Variants in CAND1 observed in about 807,000 individuals in gnomAD.
CAND1 encodes cullin associated and neddylation dissociated 1.
A neutral mutation model predicts 108.5 loss-of-function variants in CAND1; 7 were observed. The ratio of observed to expected loss-of-function variants is 0.06; its 90% CI spans 0.04 to 0.12. The LOEUF is 0.12. Among genes scored for constraint, CAND1 ranks in the 10% least tolerant of loss-of-function variants. The pLI is 1.00. For synonymous variants in CAND1, 534 were observed against 512.0 expected (o/e 1.04, Z -0.58); for missense variants, 941 against 1,448.7 (o/e 0.65, Z 5.69).
intron 2 of CAND1, among the ~76,000 whole-genome samples, chr12:67,283,543 A>G (rs2044639490): frequency 6.6e-6 from 1 of 151,294 alleles, no homozygotes; most frequent in Non-Finnish European, 1.5e-5. Context: ...AGATCGTGCC[A>G]CTGCATGCCA....
chr12:67,287,920 G>A (rs1176218448), intron 2 of CAND1, among the ~76,000 whole-genome samples: 1 of 144,818 alleles, frequency 6.9e-6, no homozygotes, highest in Admixed American at 6.9e-5. Flanking sequence ...ATATTTGGAG[G>A]TTATCTATTT....
intron 7 of CAND1, 91 bp downstream of exon 7, chr12:67,299,186 A>G (rs1201322636): frequency 5.6e-6 from 7 of 1,240,122 alleles, no homozygotes; most frequent in African/African-American, 1.5e-5. Context: ...TGTTTGTTTT[A>G]TTTAGTTATA....
chr12:67,269,658 C>CGGCAGCGGCAGCGGCAGCG lies in CAND1; in HGVS notation c.-46_-45insCAGCGGGCAGCGGCAGCGG. Reference sequence around the variant, plus strand: ...GGAGCTCCAGTGGCGGCGGCGGCGGCGGCAGCGGCAGCGGGCAGCAGCTCC... The same window carrying CGGCAGCGGCAGCGGCAGCG: ...GGAGCTCCAGTGGCGGCGGCGGCGGCGGCAGCGGCAGCGGCAGCGGGCAGCGGCAGCGGGCAGCAGCTCC... On this transcript the variant is annotated 5_prime_UTR_variant, in exon 1 of 15. Transcript: ENST00000545606. 6.9e-7 allele frequency: 1 copy of CGGCAGCGGCAGCGGCAGCG among 1,459,580 alleles called. No homozygotes were observed. Among genetic ancestry groups the CGGCAGCGGCAGCGGCAGCG allele is most frequent in the Non-Finnish European group, 9.4e-7 (1 of 1,059,954 alleles). 90.4% of individuals were successfully genotyped at this position (1,459,580 alleles called of 1,614,324 possible).
intron 13 of CAND1, chr12:67,310,798 ATAC>A (rs1359259322): frequency 6.6e-6 from 1 of 152,342 alleles, no homozygotes; most frequent in East Asian, 1.9e-4. Flanking sequence ...TCAATATAAT[ATAC>A]TGTGTTTAAT....
At position 67,280,828 on chromosome 12, in the gene CAND1, G is replaced by A. The variant is rs2044612716; in HGVS notation, c.69-1082G>A. On this transcript the variant is annotated intron_variant, in intron 1 of 14. Coordinates refer to ENST00000545606, the MANE Select transcript of CAND1 (RefSeq NM_018448.5). ...GAGATTAGATGATTGATCACTCTGG[G>A]TTTTTGCCAGGCAACACACTGTTAA... 3.3e-5 allele frequency among the ~76,000 whole-genome samples: 5 copies of A among 150,880 alleles called. No individual in the cohort carries two copies. The South Asian group carries it at 1.0e-3, about 31-fold the overall frequency.
intron 1 of CAND1, chr12:67,270,024 GTT>G (rs1488919708): frequency 8.1e-6 from 4 of 491,102 alleles, no homozygotes; most frequent in Non-Finnish European, 7.1e-6. Flanking sequence ...TCTAGGCCCC[GTT>G]TGCTTGTCTC....
chr12:67,295,442 T>C (rs2044760499), intron 4 of CAND1, among the ~76,000 whole-genome samples: 1 of 152,220 alleles, frequency 6.6e-6, no homozygotes, highest in Non-Finnish European at 1.5e-5. Flanking sequence ...GTTTTACTCA[T>C]ATATTCTTGC....
At chr12:67,274,084 C>T (rs1040642683) in intron 1 of CAND1, among the ~76,000 whole-genome samples, 1 of 152,178 alleles carries the variant, frequency 6.6e-6, no homozygotes, top group Non-Finnish European at 1.5e-5. Flanking sequence ...TATGTCACTT[C>T]TCCAGGGTTT....
Position 67,289,207 on chromosome 12 carries a change from A to T in CAND1, c.213-3415A>T, listed in dbSNP as rs559042104. Among the ~76,000 whole-genome samples the T allele has an allele frequency of 2.3e-4, 35 of 151,836 alleles. No homozygotes were observed. In the East Asian group the frequency reaches 4.1e-3, roughly 18 times the overall value. On this transcript the variant is annotated intron_variant, in intron 2 of 14. Transcript: ENST00000545606. Reference sequence around the variant, plus strand: ...TTAGTTTTTTAAATACAGCATTTAAATTTTTTATTATTTTTATTTTATTTG... The same window carrying T: ...TTAGTTTTTTAAATACAGCATTTAATTTTTTTATTATTTTTATTTTATTTG...
chr12:67,292,917 AAATT>A (rs2044735651), intron 3 of CAND1, 141 bp downstream of exon 3: 2 of 708,836 alleles, frequency 2.8e-6, no homozygotes, highest in Non-Finnish European at 4.8e-6. Flanking sequence ...ACAATTAAGA[AAATT>A]AAAGCGTGAA....
At chr12:67,284,711 C>CACACACAT (rs2044652118) in intron 2 of CAND1, among the ~76,000 whole-genome samples, 1 of 95,050 alleles carries the variant, frequency 1.1e-5, no homozygotes, top group South Asian at 3.7e-4. Context: ...CATGTACACA[C>CACACACAT]ACACACACAC....
intron 11 of CAND1, among the ~76,000 whole-genome samples, chr12:67,307,779 A>G (rs1329504585): frequency 6.6e-6 from 1 of 152,036 alleles, no homozygotes. Context: ...AGATAGCTTT[A>G]GTGGATAAAG....
At chr12:67,298,333 A>G (rs2136010521) in intron 6 of CAND1, among the ~76,000 whole-genome samples, 1 of 151,486 alleles carries the variant, frequency 6.6e-6, no homozygotes, top group African/African-American at 2.5e-5. Context: ...AAGATAAGTA[A>G]CATTATTTTT....
chr12:67,312,971 G>T lies in CAND1; in HGVS notation c.*141G>T. ...TTTCCTTCATGGAGACTGTTTGTTT[G>T]GCTTTCTTCCATTGTTGTTTTTGTA... On this transcript the variant is annotated 3_prime_UTR_variant, in exon 15 of 15. Transcript: ENST00000545606. 7.6e-6 allele frequency: 4 copies of T among 528,930 alleles called. No individual in the cohort carries two copies. The highest frequency in any genetic ancestry group is 3.2e-5 in the South Asian group (1 of 31,034). The allele number at this position is 528,930 out of a possible 1,614,324, so 32.8% of individuals were successfully genotyped here. A position where few individuals can be genotyped will look rare whatever the true frequency, so the allele number is the denominator to read the frequency against.
intron 2 of CAND1, 73 bp from the exon 3 acceptor site, chr12:67,292,549 A>C: frequency 9.2e-7 from 1 of 1,084,990 alleles, no homozygotes; most frequent in South Asian, 1.6e-5. Context: ...AAAGGTTAAC[A>C]TTTCTACTTA....
In CAND1 at chr12:67,316,559, T is replaced by A. The variant is rs1023112087; in HGVS notation, c.*3729T>A. The A allele has an allele frequency of 5.3e-5, 8 of 151,944 alleles. No homozygotes were observed. The highest frequency in any genetic ancestry group is 8.8e-5 in the Non-Finnish European group (6 of 68,040). 9.4% of individuals were successfully genotyped at this position (151,944 alleles called of 1,614,324 possible). A position where few individuals can be genotyped will look rare whatever the true frequency, so the allele number is the denominator to read the frequency against. ...CTGAAGTGAGTAATGCATATAATTTTACTTTTTTGGACCCTATAATGCCAG... is the reference window on the plus strand; with the variant it reads ...CTGAAGTGAGTAATGCATATAATTTAACTTTTTTGGACCCTATAATGCCAG... On this transcript the variant is annotated 3_prime_UTR_variant, in exon 15 of 15. Coordinates refer to ENST00000545606, the MANE Select transcript of CAND1 (RefSeq NM_018448.5).
intron 1 of CAND1, among the ~76,000 whole-genome samples, chr12:67,275,399 T>G (rs2135989397): frequency 6.6e-6 from 1 of 151,666 alleles, no homozygotes; most frequent in East Asian, 1.9e-4. Flanking sequence ...TGGTGGTGCA[T>G]ACCTGTAATC....
Position 67,297,618 on chromosome 12 carries a change from A to C in CAND1, c.703A>C (p.Ile235Leu). The change falls in exon 5 of 15, where the codon ATA becomes CTA. Residue 235 changes from isoleucine to leucine, a missense_variant. Around this residue, in one of 9 missense-constraint regions of CAND1, gnomAD observed 697 missense variants for 942.0 expected, o/e 0.74. Transcript: ENST00000545606. Reference sequence around the variant, plus strand: ...TTCTATGTCAACAACAAGAACCTACATACAATGTATTGCTGCTATTAGTAG... The same window carrying C: ...TTCTATGTCAACAACAAGAACCTACCTACAATGTATTGCTGCTATTAGTAG... ...NDSMSTTRTY[I>L]QCIAAISRQA... The C allele has an allele frequency of 6.2e-7, 1 of 1,614,076 alleles. No individual in the cohort carries two copies. The highest frequency in any genetic ancestry group is 8.5e-7 in the Non-Finnish European group (1 of 1,179,942).
At chr12:67,310,771 T>A (rs1190682940) in intron 13 of CAND1, 3 of 152,698 alleles carry the variant, frequency 2.0e-5, no homozygotes, top group Admixed American at 2.0e-4. Context: ...TTTACCTGAA[T>A]GAGGAATTTT....
Sources: allele counts gnomAD v4.1 joint callset (sites outside exome capture counted in the v4.1 genomes callset), GRCh38; gene constraint gnomAD v4.1.1; regional missense constraint gnomAD v4.1.1; transcripts MANE v1.5; gene names NCBI Gene and HGNC (gene_info 2026-07-23, HGNC 2026-07-21).